IL1RAPL2: variants seen among roughly 807,000 people sequenced by gnomAD.
IL1RAPL2 encodes X-linked interleukin-1 receptor accessory protein-like 2.
A neutral mutation model predicts 44.1 loss-of-function variants in IL1RAPL2; 3 were observed. The observed-to-expected ratio is 0.07, with a 90% CI of 0.03 to 0.18. IL1RAPL2 has a LOEUF of 0.18. IL1RAPL2 is among the 10% of genes least tolerant of loss of function. IL1RAPL2 has a pLI of 1.00. For missense variants in IL1RAPL2, 391 were observed against 496.4 expected, an observed-to-expected ratio of 0.79 and a Z score of 2.02; for synonymous variants, 181 against 178.8, an observed-to-expected ratio of 1.01 and a Z score of -0.10.
chrX:104,659,374 A>G (rs1173701788), intron 2 of IL1RAPL2, among the ~76,000 whole-genome samples: 1 of 111,992 alleles, frequency 8.9e-6, no homozygotes, highest in African/African-American at 3.2e-5. Context: ...CAATTTAAAG[A>G]CTTTGATAAA....
chrX:104,899,637 A>G (rs983463240), intron 2 of IL1RAPL2, among the ~76,000 whole-genome samples: 1 of 110,645 alleles, frequency 9.0e-6, no homozygotes, highest in Non-Finnish European at 1.9e-5. Context: ...CCCCTTAACA[A>G]TCTTTCTCTG....
chrX:105,469,828 A>G (rs904175012), intron 5 of IL1RAPL2, among the ~76,000 whole-genome samples: 3 of 111,291 alleles, frequency 2.7e-5, no homozygotes, highest in Non-Finnish European at 5.7e-5. Flanking sequence ...AATAGTATAT[A>G]CCCCATACAT....
chrX:104,929,341 C>A (rs957621453), intron 2 of IL1RAPL2, among the ~76,000 whole-genome samples: 1 of 111,818 alleles, frequency 8.9e-6, no homozygotes, highest in Non-Finnish European at 1.9e-5. Context: ...CCCAAAAGAA[C>A]CTTCTGCAAT....
intron 2 of IL1RAPL2, among the ~76,000 whole-genome samples, chrX:105,075,828 G>A (rs74944224): frequency 1.8e-5 from 2 of 111,951 alleles, no homozygotes; most frequent in East Asian, 2.8e-4. Flanking sequence ...GTTTATTTGT[G>A]TAGAGGTGTT....
Position 104,835,234 on chromosome X carries a change from T to C in IL1RAPL2, c.82+176239T>C, listed in dbSNP as rs150018804. ...TTGAATACTGACTCTCAAAAACCTG[T>C]GTAATAACACTAAATTGGAGACACA... On this transcript the variant is annotated intron_variant, in intron 2 of 10. Coordinates refer to ENST00000372582, the MANE Select transcript of IL1RAPL2 (RefSeq NM_017416.2). Among the ~76,000 whole-genome samples, 105 of 111,703 alleles carry C rather than the reference T, an allele frequency of 9.4e-4. 1 individual carries two copies. Among genetic ancestry groups the C allele is most frequent in the African/African-American group, 3.3e-3 (102 of 30,814 alleles).
chrX:105,631,562 C>T (rs917536984), intron 6 of IL1RAPL2, among the ~76,000 whole-genome samples: 4 of 111,950 alleles, frequency 3.6e-5, no homozygotes, highest in African/African-American at 9.7e-5. Flanking sequence ...CCAGACTTTG[C>T]GTCTGCAAGG....
chrX:105,435,308 T>A (rs1427352662), intron 5 of IL1RAPL2, among the ~76,000 whole-genome samples: 1 of 111,784 alleles, frequency 8.9e-6, no homozygotes, highest in Non-Finnish European at 1.9e-5. Flanking sequence ...ACATCACTGA[T>A]TGTTAGAGAA....
chrX:105,403,488 T>C (rs2035620211), intron 5 of IL1RAPL2, among the ~76,000 whole-genome samples: 1 of 111,590 alleles, frequency 9.0e-6, no homozygotes, highest in Non-Finnish European at 1.9e-5. Context: ...AGCTGTTTTA[T>C]GAGATTTACT....
At chrX:105,222,243 A>AT (rs1459924339) in intron 3 of IL1RAPL2, among the ~76,000 whole-genome samples, 1 of 112,226 alleles carries the variant, frequency 8.9e-6, no homozygotes, top group Non-Finnish European at 1.9e-5. Context: ...CAGAGCATTC[A>AT]TTTTTTATTA....
chrX:105,698,085 C>T (rs1286028654), intron 6 of IL1RAPL2, among the ~76,000 whole-genome samples: 5 of 111,556 alleles, frequency 4.5e-5, no homozygotes, highest in African/African-American at 1.6e-4. Context: ...ATCAGACTGA[C>T]TCCAAGTGTT....
At chrX:105,151,472 GTCTAC>G (rs753620473) in intron 2 of IL1RAPL2, among the ~76,000 whole-genome samples, 6 of 110,129 alleles carry the variant, frequency 5.4e-5, no homozygotes, top group Non-Finnish European at 1.1e-4. Flanking sequence ...CCAAAATGGT[GTCTAC>G]TCTACAGGCA....
At chrX:104,920,726 G>A (rs1602821558) in intron 2 of IL1RAPL2, among the ~76,000 whole-genome samples, 2 of 108,744 alleles carry the variant, frequency 1.8e-5, no homozygotes, top group East Asian at 5.7e-4. Context: ...TTCCTTTATA[G>A]CAATGTAAGA....
At chrX:105,456,577 T>C in intron 5 of IL1RAPL2, among the ~76,000 whole-genome samples, 1 of 111,608 alleles carries the variant, frequency 9.0e-6, no homozygotes, top group Admixed American at 9.6e-5. Context: ...ATTGAGGTAA[T>C]CATGTGGTTT....
intron 2 of IL1RAPL2, among the ~76,000 whole-genome samples, chrX:105,105,923 C>T (rs950888802): frequency 4.5e-5 from 5 of 111,321 alleles, no homozygotes; most frequent in Non-Finnish European, 7.5e-5. Flanking sequence ...CTTTGTAGTC[C>T]GCCAAATAAG....
intron 6 of IL1RAPL2, among the ~76,000 whole-genome samples, chrX:105,572,739 A>C (rs1385553855): frequency 8.9e-6 from 1 of 111,997 alleles, no homozygotes; most frequent in Admixed American, 9.5e-5. Context: ...TTTTTGCACT[A>C]CAATGGCAGT....
chrX:105,186,066 G>A (rs1415180043), intron 2 of IL1RAPL2, among the ~76,000 whole-genome samples: 2 of 111,865 alleles, frequency 1.8e-5, no homozygotes, highest in Non-Finnish European at 1.9e-5. Flanking sequence ...ATAATTTAGA[G>A]TATGTGAAAC....
At chrX:104,638,154 G>C (rs1929863845) in intron 1 of IL1RAPL2, among the ~76,000 whole-genome samples, 1 of 110,929 alleles carries the variant, frequency 9.0e-6, no homozygotes, top group South Asian at 3.8e-4. Context: ...TTAACATATA[G>C]GTATTCTTAA....
chrX:105,087,011 C>T (rs1266355748), intron 2 of IL1RAPL2, among the ~76,000 whole-genome samples: 1 of 110,025 alleles, frequency 9.1e-6, no homozygotes, highest in Non-Finnish European at 1.9e-5. Flanking sequence ...TTTAAAAAAA[C>T]CCTCAGGCAT....
chrX:104,866,415 C>T (rs1922616880), intron 2 of IL1RAPL2, among the ~76,000 whole-genome samples: 1 of 112,182 alleles, frequency 8.9e-6, no homozygotes. Context: ...ATATGAGCCA[C>T]AGTCAAAATA....
Sources: allele counts gnomAD v4.1 joint callset (sites outside exome capture counted in the v4.1 genomes callset), GRCh38; gene constraint gnomAD v4.1.1; transcripts MANE v1.5; gene names NCBI Gene and HGNC (gene_info 2026-07-23, HGNC 2026-07-21).